The following RYR3 variants were observed in gnomAD, a reference collection of about 807,000 sequenced individuals.
RYR3 encodes ryanodine receptor 3, also known as brain ryanodine receptor-calcium release channel.
A neutral mutation model predicts 584.3 loss-of-function variants in RYR3; 207 were observed. The observed-to-expected ratio is 0.35, with a 90% CI of 0.32 to 0.40. The LOEUF (loss-of-function observed/expected upper bound fraction) is 0.40, where lower values mean the gene tolerates loss of function less well. RYR3 is among the 10% of genes least tolerant of loss of function. The pLI is 1.00. For synonymous variants in RYR3, 2,416 were observed against 2,248.5 expected, an observed-to-expected ratio of 1.07 and a Z score of -2.11; for missense variants, 5,616 against 6,089.2, an observed-to-expected ratio of 0.92 and a Z score of 2.59.
At chr15:33,517,156 A>C (rs1429817872) in intron 3 of RYR3, among the ~76,000 whole-genome samples, 1 of 152,078 alleles carries the variant, frequency 6.6e-6, no homozygotes, top group African/African-American at 2.4e-5. Context: ...CACCACATCC[A>C]GCTAATTTTT....
chr15:33,374,534 GA>G (rs2040584730), intron 1 of RYR3, among the ~76,000 whole-genome samples: 1 of 152,080 alleles, frequency 6.6e-6, no homozygotes, highest in African/African-American at 2.4e-5. Flanking sequence ...AAAAGGAAGT[GA>G]AAAATATCCA....
intron 1 of RYR3, among the ~76,000 whole-genome samples, chr15:33,331,829 G>A (rs931145552): frequency 2.6e-5 from 4 of 152,018 alleles, no homozygotes; most frequent in Non-Finnish European, 5.9e-5. Flanking sequence ...AACAATATGT[G>A]TAAGTTGTGG....
chr15:33,610,099 C>T (rs191083011), intron 18 of RYR3, among the ~76,000 whole-genome samples: 15 of 152,288 alleles, frequency 9.8e-5, no homozygotes, highest in African/African-American at 3.4e-4. Flanking sequence ...TAGCAGCACT[C>T]TTGCTGTGCA....
rs201512313 is a variant in RYR3, at chr15:33,800,792, G to A, written c.9853G>A (p.Asp3285Asn). 4 of 1,613,706 alleles carry A rather than the reference G, an allele frequency of 2.5e-6. No individual in the cohort carries two copies. The Admixed American group carries it at 5.0e-5, about 20-fold the overall frequency. Residue 3285 changes from aspartate (D) to asparagine (N), a missense_variant, in exon 68 of 104, where the codon GAT becomes AAT. By Grantham distance (23) the Asp-to-Asn change is conservative. Transcript: ENST00000634891. Reference sequence around the variant, plus strand: ...CAGATCTAACTGGCTGAAAAGTCCTGATGCTGATTCTGACCAGCTCTTCCG... The same window carrying A: ...CAGATCTAACTGGCTGAAAAGTCCTAATGCTGATTCTGACCAGCTCTTCCG... ...NNRSNWLKSP[D>N]ADSDQLFRMV...
Position 33,853,578 on chromosome 15 carries a change from C to A in RYR3, c.13695C>A (p.Leu4565=). The A allele has an allele frequency of 6.2e-7, 1 of 1,613,940 alleles. No individual in the cohort carries two copies. Among genetic ancestry groups the A allele is most frequent in the Non-Finnish European group, 8.5e-7 (1 of 1,179,872 alleles). Residue 4565 remains leucine (L), a synonymous_variant, in exon 96 of 104, where the codon CTC becomes CTA. Transcript: ENST00000634891. ...AGGTGATCAACAAGTATGGAGATCT[C>A]TACGGAGCAGAACGCATTGCTGAAC... is the stretch of plus-strand genomic sequence containing the variant. ...KRKVINKYGD[L]YGAERIAELL... is the part of the protein sequence containing the mutation.
Position 33,581,571 on chromosome 15 carries a change from T to G in RYR3, c.1501T>G (p.Phe501Val). 6.2e-7 allele frequency: 1 copy of G among 1,613,230 alleles called. No individual in the cohort carries two copies. Among genetic ancestry groups the G allele is most frequent in the South Asian group, 1.1e-5 (1 of 91,066 alleles). ...RLNVYNSVAH[F>V]AGIAREESGM... is the part of the protein sequence containing the mutation. ...AAATGTCTACAATAGCGTAGCACACTTTGCAGGGATTGCAAGGGAAGAGAG... is the reference window on the plus strand; with the variant it reads ...AAATGTCTACAATAGCGTAGCACACGTTGCAGGGATTGCAAGGGAAGAGAG... The change falls in exon 14 of 104, where the codon TTT becomes GTT. Residue 501 changes from phenylalanine to valine, a missense_variant. Phe to Val is a conservative substitution (Grantham distance 50). Transcript: ENST00000634891.
chr15:33,781,580 G>A (rs904601962), intron 65 of RYR3, among the ~76,000 whole-genome samples: 52 of 152,240 alleles, frequency 3.4e-4, no homozygotes, highest in African/African-American at 1.2e-3. Flanking sequence ...CTAAGCCATG[G>A]CAGCTTTATT....
chr15:33,420,725 C>A (rs1255506999), intron 1 of RYR3, among the ~76,000 whole-genome samples: 1 of 152,040 alleles, frequency 6.6e-6, no homozygotes, highest in Non-Finnish European at 1.5e-5. Context: ...GTTTATTTGT[C>A]TAGTTCTTTG....
At chr15:33,634,564 T>C (rs1004613080) in intron 24 of RYR3, 22 bp from the exon 25 acceptor site, 2 of 1,610,798 alleles carry the variant, frequency 1.2e-6, no homozygotes, top group African/African-American at 2.7e-5. Context: ...TCTTGGCACC[T>C]TTTTTCTCTG....
At chr15:33,335,232 T>C (rs1490922440) in intron 1 of RYR3, among the ~76,000 whole-genome samples, 1 of 152,252 alleles carries the variant, frequency 6.6e-6, no homozygotes, top group Non-Finnish European at 1.5e-5. Flanking sequence ...TGTATGTGTA[T>C]GCTCATTGCA....
chr15:33,718,028 ACC>A (rs2152802967), intron 43 of RYR3, among the ~76,000 whole-genome samples: 2 of 152,222 alleles, frequency 1.3e-5, no homozygotes, highest in South Asian at 4.2e-4. Flanking sequence ...GTTGCCTGGC[ACC>A]CTATCAAAGA....
rs2279662 is a variant in RYR3 at position 33,659,709 on chromosome 15, T to C, written c.4309-11T>C. ...CTCTGGGCAAAGCTTTCGATTTGTT[T>C]TGATTTCCAGGTGGAGCCTAATACC... On this transcript the variant is annotated splice_polypyrimidine_tract_variant and intron_variant, in intron 32 of 103. Transcript: ENST00000634891. The C allele has an allele frequency of 0.16, 256,871 of 1,587,674 alleles. 22,919 individuals are homozygous for C. Among genetic ancestry groups the C allele is most frequent in the East Asian group, 0.34 (15,231 of 44,734 alleles).
intron 67 of RYR3, among the ~76,000 whole-genome samples, chr15:33,799,092 CTG>C (rs1437911572): frequency 6.6e-6 from 1 of 152,034 alleles, no homozygotes; most frequent in Non-Finnish European, 1.5e-5. Flanking sequence ...ACTTGTGTCA[CTG>C]TGATATTTCG....
At chr15:33,363,188 G>C (rs950923122) in intron 1 of RYR3, among the ~76,000 whole-genome samples, 3 of 152,108 alleles carry the variant, frequency 2.0e-5, no homozygotes, top group African/African-American at 7.2e-5. Flanking sequence ...ATGTAGGTAG[G>C]GTGCTCTTTT....
At chr15:33,398,747 G>C (rs2141349143) in intron 1 of RYR3, among the ~76,000 whole-genome samples, 1 of 152,264 alleles carries the variant, frequency 6.6e-6, no homozygotes, top group African/African-American at 2.4e-5. Flanking sequence ...CCAGGAGGTT[G>C]GGGGGTGATG....
chr15:33,593,627 A>G (rs1239115952), intron 16 of RYR3, among the ~76,000 whole-genome samples: 3 of 152,232 alleles, frequency 2.0e-5, no homozygotes, highest in African/African-American at 7.2e-5. Flanking sequence ...AGAAAGCACA[A>G]CTTAGTTTTC....
chr15:33,725,966 TC>T (rs10645234), intron 45 of RYR3, among the ~76,000 whole-genome samples: 542 of 15,736 alleles, frequency 0.034, 22 homozygotes, highest in African/African-American at 0.089. Flanking sequence ...CAAGACTCCA[TC>T]CCCCCCCCCA....
chr15:33,397,982 A>T (rs2042399903), intron 1 of RYR3, among the ~76,000 whole-genome samples: 1 of 151,996 alleles, frequency 6.6e-6, no homozygotes, highest in Non-Finnish European at 1.5e-5. Flanking sequence ...AGTTGTTTGG[A>T]GCTTAGGATT....
At chr15:33,825,003 G>T (rs1435871166) in intron 81 of RYR3, among the ~76,000 whole-genome samples, 1 of 152,144 alleles carries the variant, frequency 6.6e-6, no homozygotes, top group Non-Finnish European at 1.5e-5. Flanking sequence ...AAAAATGAAG[G>T]CCAACTTGTC....
Sources: gnomAD v4.1 joint callset for allele counts (sites outside exome capture counted in the v4.1 genomes callset) on GRCh38, gnomAD v4.1.1 for gene constraint, MANE v1.5 for transcripts, NCBI Gene and HGNC (gene_info 2026-07-23, HGNC 2026-07-21) for gene names.